OBP2B: variants seen among roughly 807,000 people sequenced by gnomAD.
OBP2B encodes odorant-binding protein 2b.
A neutral mutation model predicts 21.7 loss-of-function variants in OBP2B; 10 were observed. The ratio of observed to expected loss-of-function variants is 0.46; its 90% CI spans 0.28 to 0.78. The LOEUF (loss-of-function observed/expected upper bound fraction) is 0.78, where lower values mean the gene tolerates loss of function less well. Ranked by LOEUF, OBP2B falls within the 30% of genes least tolerant of loss-of-function variation. The probability of loss-of-function intolerance (pLI) is 0.11; values close to 1 mark genes in which losing one functional copy is unlikely to be tolerated. For missense variants in OBP2B, 153 were observed against 217.7 expected (o/e 0.70, Z 1.87); for synonymous variants, 73 against 91.5 (o/e 0.80, Z 1.16).
chr9:133,206,220 C>CGGGGGACATG, intron 5 of OBP2B, 95 bp downstream of exon 5: 1 of 1,378,242 alleles, frequency 7.3e-7, no homozygotes, highest in South Asian at 1.2e-5. Flanking sequence ...ACGGGGAATG[C>CGGGGGACATG]GGGGGACATG....
chr9:133,220,829 G>A, the OBP2B span, among the ~76,000 whole-genome samples: 1 of 152,252 alleles, frequency 6.6e-6, no homozygotes. Flanking sequence ...TTATAGGAGA[G>A]AGGCTGGGGA....
chr9:133,220,055 C>G, the OBP2B span, among the ~76,000 whole-genome samples: 4 of 152,158 alleles, frequency 2.6e-5, no homozygotes, highest in African/African-American at 7.2e-5. Flanking sequence ...TATGAAGTGT[C>G]CAGAACAGGC....
At chr9:133,206,803 C>T (rs1300715060) in intron 4 of OBP2B, among the ~76,000 whole-genome samples, 2 of 151,842 alleles carry the variant, frequency 1.3e-5, no homozygotes, top group African/African-American at 2.4e-5. Flanking sequence ...CCAAGCCACT[C>T]GGCAACCCCA....
In OBP2B at chr9:133,208,722, A is replaced by G. The variant is rs1351016110; in HGVS notation, c.73-120T>C. The G allele has an allele frequency of 1.6e-5, 24 of 1,499,616 alleles. No homozygotes were observed. The Admixed American group carries it at 5.1e-4, about 32-fold the overall frequency. 92.9% of individuals were successfully genotyped at this position (1,499,616 alleles called of 1,614,324 possible). A position where few individuals can be genotyped will look rare whatever the true frequency, so the allele number is the denominator to read the frequency against. ...GTGCCCGGCTGCTGCCCTTAAAGGC[A>G]GGCTGTGTTCCTGCACCTTAGTTAG... On this transcript the variant is annotated intron_variant, in intron 1 of 6. Transcript: ENST00000372034.
intron 3 of OBP2B, 143 bp downstream of exon 3, chr9:133,207,990 A>G: frequency 6.6e-7 from 1 of 1,523,160 alleles, no homozygotes; most frequent in Non-Finnish European, 8.8e-7. Context: ...GCCCCCCAGG[A>G]AGGAGAGGCC....
At position 133,205,319 on chromosome 9, in the gene OBP2B, C is replaced by G; in HGVS notation, c.*94G>C. 6 of 1,515,962 alleles carry G rather than the reference C, an allele frequency of 4.0e-6. No homozygotes were observed. The highest frequency in any genetic ancestry group is 5.4e-6 in the Non-Finnish European group (6 of 1,120,752). 93.9% of individuals were successfully genotyped at this position (1,515,962 alleles called of 1,614,324 possible). A position where few individuals can be genotyped will look rare whatever the true frequency, so the allele number is the denominator to read the frequency against. The stretch of plus-strand genomic sequence containing the variant: ...TTATTTGGAGTCAGGTGGGTGGGAG[C>G]AGGGAAGGGTCATGGCTGGAGGGTA... On this transcript the variant is annotated 3_prime_UTR_variant, in exon 7 of 7. Coordinates refer to ENST00000372034, the MANE Select transcript of OBP2B (RefSeq NM_014581.4).
upstream of OBP2B, among the ~76,000 whole-genome samples, chr9:133,209,724 C>G (rs577001839): frequency 6.6e-6 from 1 of 152,154 alleles, no homozygotes; most frequent in Non-Finnish European, 1.5e-5. This position sits in a 1 kb window ranked among gnomAD's most constrained non-coding sequence, Gnocchi z 6.0. Flanking sequence ...AGAGCCCAAG[C>G]TTCCGCCCAC....
chr9:133,210,423 G>A (rs551824624), upstream of OBP2B, among the ~76,000 whole-genome samples: 33 of 152,066 alleles, frequency 2.2e-4, no homozygotes, highest in East Asian at 7.7e-4. Context: ...CCCCTCCCAC[G>A]GCAAGTGCTG....
chr9:133,206,294 A>C, intron 5 of OBP2B, 21 bp downstream of exon 5: 1 of 1,606,764 alleles, frequency 6.2e-7, no homozygotes, highest in Non-Finnish European at 8.5e-7. Flanking sequence ...GACACAGGGG[A>C]CTGGGCACAG....
upstream of OBP2B, among the ~76,000 whole-genome samples, chr9:133,210,679 T>C (rs1344865376): frequency 1.3e-5 from 2 of 152,212 alleles, no homozygotes; most frequent in Non-Finnish European, 2.9e-5. Flanking sequence ...TGGAACGACA[T>C]GCACAGATGC....
the OBP2B span, among the ~76,000 whole-genome samples, chr9:133,218,562 C>T: frequency 1.8e-4 from 28 of 152,174 alleles, no homozygotes; most frequent in Non-Finnish European, 4.0e-4. Context: ...GGGGATGGAC[C>T]TAACTGTCCC....
the OBP2B span, among the ~76,000 whole-genome samples, chr9:133,222,362 T>TA: frequency 6.6e-6 from 1 of 152,208 alleles, no homozygotes; most frequent in African/African-American, 2.4e-5. Context: ...GAGCTTTTGC[T>TA]AAAAAGGGCT....
upstream of OBP2B, among the ~76,000 whole-genome samples, chr9:133,209,472 A>G (rs1220891374): frequency 1.3e-5 from 2 of 152,166 alleles, no homozygotes; most frequent in African/African-American, 4.8e-5. This position sits in a 1 kb window ranked among gnomAD's most constrained non-coding sequence, Gnocchi z 6.0. Context: ...GCGCCCACTC[A>G]GATGAGCCCA....
At chr9:133,205,685 G>A (rs2119383336) in intron 6 of OBP2B, 1 of 637,474 alleles carries the variant, frequency 1.6e-6, no homozygotes, top group South Asian at 2.0e-5. Flanking sequence ...GCTGTGGAAA[G>A]GCCGAGGAGG....
In OBP2B at chr9:133,209,019, G is replaced by A; in HGVS notation, c.72+109C>T. ...ACCACCACCCCAGGCTGGGAGCACGGGGTCAGAAGCCAGCCTTCAGTGACA... is the reference window on the plus strand; with the variant it reads ...ACCACCACCCCAGGCTGGGAGCACGAGGTCAGAAGCCAGCCTTCAGTGACA... On this transcript the variant is annotated intron_variant, in intron 1 of 6. Transcript: ENST00000372034. This position sits in a 1 kb window ranked among gnomAD's most constrained non-coding sequence, Gnocchi z 6.0. 1 of 1,073,838 alleles carries A rather than the reference G, an allele frequency of 9.3e-7. No homozygotes were observed. The allele number at this position is 1,073,838 out of a possible 1,614,324, so 66.5% of individuals were successfully genotyped here.
At chr9:133,213,037 C>G (rs1401938748), upstream of OBP2B, among the ~76,000 whole-genome samples, 1 of 152,144 alleles carries the variant, frequency 6.6e-6, no homozygotes, top group Non-Finnish European at 1.5e-5. Context: ...CCAGCCTGGA[C>G]AGCATGACAA....
At chr9:133,221,043 G>T in the OBP2B span, among the ~76,000 whole-genome samples, 2 of 152,142 alleles carry the variant, frequency 1.3e-5, no homozygotes, top group Non-Finnish European at 2.9e-5. Flanking sequence ...TTTTAGCCCC[G>T]TGAAACATAC....
At chr9:133,222,800 C>T in the OBP2B span, among the ~76,000 whole-genome samples, 4 of 151,954 alleles carry the variant, frequency 2.6e-5, no homozygotes, top group African/African-American at 9.7e-5. Flanking sequence ...GAAGAATGGG[C>T]CTCCTTCTTC....
At chr9:133,207,749 T>A in intron 3 of OBP2B, 1 of 840,678 alleles carries the variant, frequency 1.2e-6, no homozygotes, top group South Asian at 1.4e-5. Flanking sequence ...TTGGCCCCCG[T>A]CCCTAACCCT....
Sources: gnomAD v4.1 joint callset for allele counts (sites outside exome capture counted in the v4.1 genomes callset) on GRCh38, gnomAD v4.1.1 for gene constraint, Gnocchi (gnomAD v3.1) non-coding constraint, MANE v1.5 for transcripts, NCBI Gene and HGNC (gene_info 2026-07-23, HGNC 2026-07-21) for gene names.